Variants in ADAMTS18 observed in about 807,000 individuals in gnomAD.
ADAMTS18 encodes ADAM metallopeptidase with thrombospondin type 1 motif 18, also known as A disintegrin and metalloproteinase with thrombospondin motifs 18.
ADAMTS18 carries 157 observed loss-of-function variants against 165.9 expected under a neutral mutation model. That is an observed-to-expected ratio of 0.95 (90% CI 0.83 to 1.08). The LOEUF is 1.08. Ranked by LOEUF, ADAMTS18 falls within the 50% of genes least tolerant of loss-of-function variation. The pLI, the probability that ADAMTS18 is intolerant of heterozygous loss-of-function variation, is 0.00. For missense variants in ADAMTS18, 2,040 were observed against 1,534.0 expected (o/e 1.33, Z -5.51); for synonymous variants, 782 against 578.2 (o/e 1.35, Z -5.06).
At chr16:77,354,910 A>G (rs533116616) in intron 9 of ADAMTS18, among the ~76,000 whole-genome samples, 1 of 152,330 alleles carries the variant, frequency 6.6e-6, no homozygotes, top group South Asian at 2.1e-4. Context: ...TCACCAAACC[A>G]TGAATTTAAA....
intron 3 of ADAMTS18, among the ~76,000 whole-genome samples, chr16:77,411,648 T>C (rs1210871854): frequency 1.3e-5 from 2 of 150,452 alleles, no homozygotes; most frequent in East Asian, 3.9e-4. Context: ...ATTTTATTTG[T>C]CAACTTGATG....
At chr16:77,364,435 A>G (rs2056763159) in intron 4 of ADAMTS18, 54 bp from the exon 5 acceptor site, 5 of 1,576,222 alleles carry the variant, frequency 3.2e-6, no homozygotes, top group Non-Finnish European at 3.5e-6. Context: ...TCTGGATAAG[A>G]CAGTTGAGAG....
At position 77,333,500 on chromosome 16, in the gene ADAMTS18, A is replaced by T. The variant is rs76276583; in HGVS notation, c.1859+2256T>A. Among the ~76,000 whole-genome samples the T allele has an allele frequency of 6.7e-3, 1,015 of 151,610 alleles. 12 individuals carry two copies. Among genetic ancestry groups the T allele is most frequent in the African/African-American group, 0.024 (970 of 41,256 alleles). On this transcript the variant is annotated intron_variant, in intron 12 of 22. Coordinates refer to ENST00000282849, the MANE Select transcript of ADAMTS18 (RefSeq NM_199355.4). ...AATGAAAAAAGAAATACCAAAAAAAAAAAAATAAAACAGTGTGTTCTGTTG... is the reference window on the plus strand; with the variant it reads ...AATGAAAAAAGAAATACCAAAAAAATAAAAATAAAACAGTGTGTTCTGTTG...
rs149107110 is a variant in ADAMTS18 at position 77,403,067 on chromosome 16, T to G, written c.495+28228A>C. On this transcript the variant is annotated intron_variant, in intron 3 of 22. Coordinates refer to ENST00000282849, the MANE Select transcript of ADAMTS18 (RefSeq NM_199355.4). The stretch of plus-strand genomic sequence containing the variant: ...TATGTGCCAAGTACTGTTTAAACAT[T>G]TGTACTTGTGTTAATGCAATTTCAT... 9.2e-3 allele frequency among the ~76,000 whole-genome samples: 1,405 copies of G among 152,318 alleles called. 19 individuals are homozygous for G. Among genetic ancestry groups the G allele is most frequent in the African/African-American group, 0.031 (1,309 of 41,572 alleles).
At chr16:77,412,572 C>T (rs557862427) in intron 3 of ADAMTS18, among the ~76,000 whole-genome samples, 3 of 152,016 alleles carry the variant, frequency 2.0e-5, no homozygotes, top group Non-Finnish European at 4.4e-5. Context: ...CAACACAGGG[C>T]AATTTATAAA....
chr16:77,381,759 G>A (rs1567528637), intron 3 of ADAMTS18, among the ~76,000 whole-genome samples: 1 of 152,164 alleles, frequency 6.6e-6, no homozygotes, highest in South Asian at 2.1e-4. Flanking sequence ...CCGAGATCAT[G>A]CCACTGCAGT....
chr16:77,300,040 T>C (rs1401412063), intron 17 of ADAMTS18: 8 of 521,080 alleles, frequency 1.5e-5, no homozygotes, highest in Non-Finnish European at 2.4e-5. Context: ...TGTGTAACTT[T>C]TGAGCCTTGG....
Position 77,364,176 on chromosome 16 carries a change from AC to A in ADAMTS18, c.972+11del, listed in dbSNP as rs747320710. 1.7e-5 allele frequency: 27 copies of A among 1,613,884 alleles called. No homozygotes were observed. The African/African-American group carries it at 2.3e-4, about 14-fold the overall frequency. ...TTTGGAGAGCCAGAAGGTTTGTGACACCCCCGCTTACCATGTTCATTACTGT... is the reference window on the plus strand; with the variant it reads ...TTTGGAGAGCCAGAAGGTTTGTGACACCCCGCTTACCATGTTCATTACTGT... On this transcript the variant is annotated intron_variant, in intron 5 of 22. Transcript: ENST00000282849.
chr16:77,426,293 C>A (rs1447102597), intron 3 of ADAMTS18, among the ~76,000 whole-genome samples: 1 of 151,744 alleles, frequency 6.6e-6, no homozygotes, highest in East Asian at 1.9e-4. Flanking sequence ...TTTTGGGTAC[C>A]ATTGTGTTGA....
At chr16:77,424,455 T>A (rs1327408662) in intron 3 of ADAMTS18, among the ~76,000 whole-genome samples, 1 of 135,258 alleles carries the variant, frequency 7.4e-6, no homozygotes. Flanking sequence ...GCAACAAGAG[T>A]GAAACTCCAT....
At chr16:77,380,342 A>C (rs2057013338) in intron 3 of ADAMTS18, among the ~76,000 whole-genome samples, 1 of 152,244 alleles carries the variant, frequency 6.6e-6, no homozygotes, top group South Asian at 2.1e-4. Context: ...ATATTGATGA[A>C]AATTGATTTA....
rs146407162 is a variant in ADAMTS18, at chr16:77,424,325, G to A, written c.495+6970C>T. 5.7e-3 allele frequency among the ~76,000 whole-genome samples: 861 copies of A among 152,202 alleles called. 2 individuals carry two copies. Among genetic ancestry groups the A allele is most frequent in the Non-Finnish European group, 6.1e-3 (415 of 68,006 alleles). On this transcript the variant is annotated intron_variant, in intron 3 of 22. Coordinates refer to ENST00000282849, the MANE Select transcript of ADAMTS18 (RefSeq NM_199355.4). ...TTCAACTAAAAATACAAAATTAGCC[G>A]GACATGGCAGTGCATGCCTGTAATC...
At chr16:77,426,019 C>A (rs184338593) in intron 3 of ADAMTS18, among the ~76,000 whole-genome samples, 2 of 152,002 alleles carry the variant, frequency 1.3e-5, no homozygotes, top group East Asian at 3.9e-4. Flanking sequence ...CCAGCCTGGG[C>A]AACACAGCGA....
intron 9 of ADAMTS18, among the ~76,000 whole-genome samples, chr16:77,354,888 A>T (rs1457090326): frequency 1.3e-5 from 2 of 152,178 alleles, no homozygotes; most frequent in Non-Finnish European, 2.9e-5. Flanking sequence ...GAGTTGGAAA[A>T]AATAATTTTA....
intron 22 of ADAMTS18, among the ~76,000 whole-genome samples, chr16:77,285,392 C>T (rs574531306): frequency 2.6e-5 from 4 of 151,318 alleles, no homozygotes; most frequent in African/African-American, 7.4e-5. Flanking sequence ...ACGCTGGTCT[C>T]GAACTCCTGA....
At chr16:77,303,607 C>A (rs1488144327) in intron 16 of ADAMTS18, among the ~76,000 whole-genome samples, 1 of 147,198 alleles carries the variant, frequency 6.8e-6, no homozygotes, top group Non-Finnish European at 1.5e-5. Flanking sequence ...CATCATGTCT[C>A]TTGTGACCTC....
At chr16:77,373,748 C>T (rs1397238907) in intron 3 of ADAMTS18, among the ~76,000 whole-genome samples, 1 of 152,174 alleles carries the variant, frequency 6.6e-6, no homozygotes, top group African/African-American at 2.4e-5. Flanking sequence ...ATTATCCTCT[C>T]TCACTTCCAA....
At position 77,356,071 on chromosome 16, in the gene ADAMTS18, AC is replaced by A. The variant is rs1190759976; in HGVS notation, c.1328del (p.Gly443ValfsTer2). ...TIAHESGHNF[G>X]MIHDGEGNPC... ...GATTCCCTTCTCCATCGTGAATCAT[AC>A]CAAAGCTGAAACAGAATGAAGAAAA... On this transcript the variant is annotated frameshift_variant, in exon 9 of 23. Coordinates refer to ENST00000282849, the MANE Select transcript of ADAMTS18 (RefSeq NM_199355.4). LOFTEE classifies it high-confidence loss of function. 2 of 1,613,998 alleles carry A rather than the reference AC, an allele frequency of 1.2e-6. No homozygotes were observed. The highest frequency in any genetic ancestry group is 1.3e-5 in the African/African-American group (1 of 74,936).
chr16:77,284,521 C>T (rs1190791702), intron 22 of ADAMTS18, among the ~76,000 whole-genome samples: 1 of 152,144 alleles, frequency 6.6e-6, no homozygotes, highest in Admixed American at 6.5e-5. Context: ...GGCCCACCTC[C>T]CTTGTGCCTC....
Sources: gnomAD v4.1 joint callset for allele counts (sites outside exome capture counted in the v4.1 genomes callset) on GRCh38, gnomAD v4.1.1 for gene constraint, MANE v1.5 for transcripts, NCBI Gene and HGNC (gene_info 2026-07-23, HGNC 2026-07-21) for gene names.